ARHGAP22: variants seen among roughly 807,000 people sequenced by gnomAD.
The protein encoded by ARHGAP22 is Rho GTPase activating protein 22.
ARHGAP22 carries 48 observed loss-of-function variants against 59.1 expected under a neutral mutation model. The ratio of observed to expected loss-of-function variants is 0.81; its 90% confidence interval spans 0.64 to 1.03. The LOEUF (loss-of-function observed/expected upper bound fraction) is 1.03. Among genes scored for constraint, ARHGAP22 ranks in the 50% least tolerant of loss-of-function variants. The pLI is 0.00. For missense variants in ARHGAP22, 1,015 were observed against 958.7 expected (o/e 1.06, Z -0.78); for synonymous variants, 445 against 416.4 (o/e 1.07, Z -0.84).
intron 1 of ARHGAP22, among the ~76,000 whole-genome samples, chr10:48,635,683 C>A (rs1248584581): frequency 1.3e-5 from 2 of 152,248 alleles, no homozygotes; most frequent in Non-Finnish European, 2.9e-5. Context: ...GGGACAGCAG[C>A]AACCTTCATT....
intron 1 of ARHGAP22, chr10:48,624,978 G>T (rs943761983): frequency 6.6e-6 from 1 of 152,246 alleles, no homozygotes; most frequent in Non-Finnish European, 1.5e-5. Flanking sequence ...TCTGGTGTCT[G>T]TTGGCATAAA....
At chr10:48,552,482 C>T (rs954904464) in intron 3 of ARHGAP22, among the ~76,000 whole-genome samples, 1 of 152,250 alleles carries the variant, frequency 6.6e-6, no homozygotes, top group Non-Finnish European at 1.5e-5. Flanking sequence ...CCTTCACCCA[C>T]CCAGCCTGGA....
intron 9 of ARHGAP22, among the ~76,000 whole-genome samples, chr10:48,449,859 G>A (rs2045724232): frequency 1.3e-5 from 2 of 152,222 alleles, no homozygotes; most frequent in South Asian, 4.1e-4. Flanking sequence ...CCTGGGGCCT[G>A]GGCACTTCCT....
chr10:48,468,962 G>A (rs1285846344), intron 4 of ARHGAP22, among the ~76,000 whole-genome samples: 1 of 152,160 alleles, frequency 6.6e-6, no homozygotes. Context: ...GCATTCCCAC[G>A]GCCCAGGGAC....
intron 5 of ARHGAP22, among the ~76,000 whole-genome samples, chr10:48,456,155 C>T (rs1301403179): frequency 6.6e-6 from 1 of 152,212 alleles, no homozygotes; most frequent in African/African-American, 2.4e-5. Flanking sequence ...TTGTCTAGAA[C>T]CATGGACTTA....
chr10:48,584,873 A>G (rs949612343), intron 1 of ARHGAP22, among the ~76,000 whole-genome samples: 1 of 152,118 alleles, frequency 6.6e-6, no homozygotes, highest in African/African-American at 2.4e-5. Flanking sequence ...AGGAGCCTGT[A>G]GTCCCAGCTA....
At position 48,596,579 on chromosome 10, in the gene ARHGAP22, T is replaced by C. The variant is rs56333519; in HGVS notation, c.34+8184A>G. On this transcript the variant is annotated intron_variant, in intron 1 of 9. Coordinates refer to ENST00000249601, the MANE Select transcript of ARHGAP22 (RefSeq NM_021226.4). ...GAGGGTGAGTCCAGACCAGGAAGTATGGCTCCACTTCCAGGCTTTTCACCC... is the reference window on the plus strand; with the variant it reads ...GAGGGTGAGTCCAGACCAGGAAGTACGGCTCCACTTCCAGGCTTTTCACCC... Among the ~76,000 whole-genome samples the C allele has an allele frequency of 2.1e-3, 322 of 152,216 alleles. 1 individual carries two copies. Among genetic ancestry groups the C allele is most frequent in the Non-Finnish European group, 3.0e-3 (207 of 68,002 alleles).
In ARHGAP22 at chr10:48,450,416, G is replaced by A. The variant is rs1211565382; in HGVS notation, c.1713C>T (p.Asp571=). 2 of 1,569,116 alleles carry A rather than the reference G, an allele frequency of 1.3e-6. No individual in the cohort carries two copies. The highest frequency in any genetic ancestry group is 2.4e-5 in the East Asian group (1 of 42,050). ...TGTTGCTGGCACCCGCGCCCGCCTC[G>A]TCCATGCTGTGGTCCAGGTCCAGGG... The part of the protein sequence containing the change: ...PKSLDLDHSM[D]EAGAGASNSE... Residue 571 remains aspartate, a synonymous_variant, in exon 9 of 10, where the codon GAC becomes GAT. Transcript: ENST00000249601.
At chr10:48,492,263 T>A (rs1279518034) in intron 3 of ARHGAP22, among the ~76,000 whole-genome samples, 4 of 152,318 alleles carry the variant, frequency 2.6e-5, no homozygotes, top group African/African-American at 7.2e-5. Flanking sequence ...AAATATTTTT[T>A]AAAACTTTTT....
chr10:48,527,825 A>G (rs2054470160), intron 3 of ARHGAP22, among the ~76,000 whole-genome samples: 1 of 152,358 alleles, frequency 6.6e-6, no homozygotes, highest in East Asian at 1.9e-4. Context: ...GCCTTGCTCC[A>G]GAAGAAGGGC....
At position 48,451,049 on chromosome 10, in the gene ARHGAP22, C is replaced by A; in HGVS notation, c.1080G>T (p.Pro360=). The A allele has an allele frequency of 6.4e-7, 1 of 1,552,504 alleles. No individual in the cohort carries two copies. Among genetic ancestry groups the A allele is most frequent in the Non-Finnish European group, 8.7e-7 (1 of 1,148,046 alleles). ...TAPVPEGPTS[P]RGGLQCAVGW... ...CCACTGCGCATTGCAGGCCCCCGCG[C>A]GGGGAGGTGGGCCCTTCCGGGACCG... Residue 360 remains proline, a synonymous_variant, in exon 9 of 10, where the codon CCG becomes CCT. Coordinates refer to ENST00000249601, the MANE Select transcript of ARHGAP22 (RefSeq NM_021226.4).
At chr10:48,493,344 C>T in intron 3 of ARHGAP22, 3 of 1,302,002 alleles carry the variant, frequency 2.3e-6, no homozygotes, top group Non-Finnish European at 2.1e-6. Flanking sequence ...TGGTTGCGGC[C>T]ACCAAACACC....
intron 4 of ARHGAP22, among the ~76,000 whole-genome samples, chr10:48,462,325 G>A (rs961788026): frequency 6.6e-6 from 1 of 151,996 alleles, no homozygotes; most frequent in African/African-American, 2.4e-5. Context: ...GCTGTTCTGA[G>A]CATTTTACAC....
chr10:48,461,088 T>C (rs2047092723), intron 4 of ARHGAP22, among the ~76,000 whole-genome samples: 1 of 152,184 alleles, frequency 6.6e-6, no homozygotes, highest in Admixed American at 6.5e-5. Context: ...TTGAAATGAA[T>C]GTAATGCTGC....
Position 48,462,449 on chromosome 10 carries a change from G to A in ARHGAP22, c.452-2558C>T, listed in dbSNP as rs148879007. Among the ~76,000 whole-genome samples, 190 of 152,276 alleles carry A rather than the reference G, an allele frequency of 1.2e-3. 1 individual carries two copies. The highest frequency in any genetic ancestry group is 4.2e-3 in the African/African-American group (176 of 41,546). ...TGTTCAGTTTGTAGGATGTTTGAAC[G>A]GAGAGGCATGGGGGCTTAAGAATGT... On this transcript the variant is annotated intron_variant, in intron 4 of 9. Transcript: ENST00000249601.
rs1049370063 is a variant in ARHGAP22, at chr10:48,467,806, T to C, written c.452-7915A>G. 2.0e-5 allele frequency among the ~76,000 whole-genome samples: 3 copies of C among 152,288 alleles called. No homozygotes were observed. The East Asian group carries it at 5.8e-4, about 29-fold the overall frequency. ...TTTGTCATTTGCAAGGTGCTTACTC[T>C]GGGAAAAGTTGCTTAGAGGGCAGAA... On this transcript the variant is annotated intron_variant, in intron 4 of 9. Transcript: ENST00000249601.
At chr10:48,489,428 T>C (rs1003766210) in intron 3 of ARHGAP22, among the ~76,000 whole-genome samples, 2 of 152,208 alleles carry the variant, frequency 1.3e-5, no homozygotes, top group African/African-American at 4.8e-5. Context: ...ATCTTCCTTA[T>C]GGCAATAAAG....
intron 4 of ARHGAP22, chr10:48,466,657 G>C (rs1275540851): frequency 3.3e-5 from 4 of 122,480 alleles, no homozygotes; most frequent in Admixed American, 8.2e-5. Flanking sequence ...GGCCCGCGCG[G>C]CCGGCATCAG....
chr10:48,469,914 G>A (rs1251726603), intron 4 of ARHGAP22, among the ~76,000 whole-genome samples: 1 of 152,192 alleles, frequency 6.6e-6, no homozygotes, highest in African/African-American at 2.4e-5. Flanking sequence ...CACTCCAGCC[G>A]ACTAGGTTGA....
Sources: allele counts gnomAD v4.1 joint callset (sites outside exome capture counted in the v4.1 genomes callset), GRCh38; gene constraint gnomAD v4.1.1; transcripts MANE v1.5; gene names NCBI Gene and HGNC (gene_info 2026-07-23, HGNC 2026-07-21).